The following PDE10A variants were observed in gnomAD, a reference collection of about 807,000 sequenced individuals.
PDE10A encodes the protein cAMP and cAMP-inhibited cGMP 3',5'-cyclic phosphodiesterase 10A.
PDE10A carries 39 observed loss-of-function variants against 97.7 expected under a neutral mutation model. That is an observed-to-expected ratio of 0.40 (90% confidence interval 0.31 to 0.52). PDE10A has a LOEUF of 0.52. Ranked by LOEUF, PDE10A falls within the 20% of genes least tolerant of loss-of-function variation. The pLI, the probability that PDE10A is intolerant of heterozygous loss-of-function variation, is 0.56. For missense variants in PDE10A, 731 were observed against 1,047.8 expected (o/e 0.70, Z 4.17); for synonymous variants, 371 against 376.8 (o/e 0.98, Z 0.18).
intron 1 of PDE10A, among the ~76,000 whole-genome samples, chr6:165,864,364 T>C (rs1780984185): frequency 2.6e-5 from 4 of 152,096 alleles, no homozygotes; most frequent in African/African-American, 7.2e-5. Context: ...CTGAAAAACA[T>C]AACAGAGGGT....
chr6:165,843,081 C>T (rs1780305109), intron 1 of PDE10A, among the ~76,000 whole-genome samples: 1 of 152,206 alleles, frequency 6.6e-6, no homozygotes, highest in Non-Finnish European at 1.5e-5. Context: ...GCTCAGCCCA[C>T]CTGACAGCGT....
intron 1 of PDE10A, among the ~76,000 whole-genome samples, chr6:165,687,287 T>C (rs1180520997): frequency 6.6e-6 from 1 of 152,164 alleles, no homozygotes; most frequent in Non-Finnish European, 1.5e-5. Context: ...CATATCCACA[T>C]TGCTTGGGAA....
At chr6:165,749,744 T>C (rs1316997330) in intron 1 of PDE10A, among the ~76,000 whole-genome samples, 1 of 152,216 alleles carries the variant, frequency 6.6e-6, no homozygotes, top group Non-Finnish European at 1.5e-5. Context: ...TCTTCTAAAT[T>C]CCTGCTTTTT....
intron 1 of PDE10A, among the ~76,000 whole-genome samples, chr6:165,809,141 T>C (rs570972686): frequency 1.1e-4 from 17 of 152,212 alleles, no homozygotes; most frequent in Non-Finnish European, 2.5e-4. Flanking sequence ...GAGAACCACG[T>C]TCTCTGAGGC....
intron 1 of PDE10A, among the ~76,000 whole-genome samples, chr6:165,911,985 A>C (rs1166820076): frequency 1.4e-5 from 2 of 146,960 alleles, no homozygotes; most frequent in Admixed American, 1.4e-4. Context: ...GGAAGTCTAA[A>C]TATATATATA....
intron 20 of PDE10A, among the ~76,000 whole-genome samples, chr6:165,337,812 G>C (rs1203285182): frequency 6.6e-6 from 1 of 152,156 alleles, no homozygotes; most frequent in Non-Finnish European, 1.5e-5. Flanking sequence ...ATGCATTCTT[G>C]GGATGACTGT....
At chr6:165,547,350 T>C (rs935357289) in intron 1 of PDE10A, among the ~76,000 whole-genome samples, 7 of 152,252 alleles carry the variant, frequency 4.6e-5, no homozygotes, top group East Asian at 1.9e-4. Flanking sequence ...CGGGTATTGA[T>C]AGACTGAATG....
chr6:165,883,091 T>G (rs1318626841), intron 1 of PDE10A, among the ~76,000 whole-genome samples: 1 of 151,798 alleles, frequency 6.6e-6, no homozygotes, highest in Non-Finnish European at 1.5e-5. Context: ...CAAAAATTAG[T>G]CGGGTGCAGT....
chr6:165,672,371 T>G (rs928051912), intron 1 of PDE10A, among the ~76,000 whole-genome samples: 1 of 152,212 alleles, frequency 6.6e-6, no homozygotes, highest in Non-Finnish European at 1.5e-5. Context: ...CTAGCCTGCC[T>G]TAAATGTGCT....
In PDE10A at chr6:165,614,201, C is replaced by T. The variant is rs549532861; in HGVS notation, c.865+47746G>A. 5.9e-5 allele frequency among the ~76,000 whole-genome samples: 9 copies of T among 152,342 alleles called. No homozygotes were observed. In the South Asian group the frequency reaches 1.9e-3, roughly 32 times the overall value. The stretch of plus-strand genomic sequence containing the variant: ...CCTTCTTCAGTTTTGTTCCTCAAAA[C>T]CACTATTTCTAACGGCCAAAGTAAT... On this transcript the variant is annotated intron_variant, in intron 1 of 21. Coordinates refer to ENST00000539869, the MANE Select transcript of PDE10A (RefSeq NM_001385079.1).
At chr6:165,595,380 C>T (rs1786526472) in intron 1 of PDE10A, among the ~76,000 whole-genome samples, 1 of 152,198 alleles carries the variant, frequency 6.6e-6, no homozygotes, top group Admixed American at 6.5e-5. Context: ...CACAGATGGA[C>T]ATCTGCAAAG....
chr6:165,810,701 T>C (rs77989225), intron 1 of PDE10A, among the ~76,000 whole-genome samples: 2,429 of 152,256 alleles, frequency 0.016, 61 homozygotes, highest in African/African-American at 0.056. Context: ...CCCAGGATGA[T>C]GTCCTGGTGT....
At chr6:165,368,932 G>C (rs1254003135) in intron 18 of PDE10A, among the ~76,000 whole-genome samples, 1 of 152,216 alleles carries the variant, frequency 6.6e-6, no homozygotes, top group Non-Finnish European at 1.5e-5. Context: ...AAAATCCACT[G>C]TTCTGCAGAC....
rs1415747312 is a variant in PDE10A, at chr6:165,332,529, T to C, written c.*496A>G. The C allele has an allele frequency of 6.6e-6, 1 of 152,478 alleles. No homozygotes were observed. The highest frequency in any genetic ancestry group is 2.4e-5 in the African/African-American group (1 of 41,456). The allele number at this position is 152,478 out of a possible 1,614,324, so 9.4% of individuals were successfully genotyped here. On this transcript the variant is annotated 3_prime_UTR_variant, in exon 22 of 22. Transcript: ENST00000539869. Reference sequence around the variant, plus strand: ...GGCTGTGGACTACAACTCAAGTTAATTACAAGTAGGTCATACATGAACATT... The same window carrying C: ...GGCTGTGGACTACAACTCAAGTTAACTACAAGTAGGTCATACATGAACATT...
At chr6:165,945,875 T>C (rs1417747103) in intron 1 of PDE10A, among the ~76,000 whole-genome samples, 1 of 152,234 alleles carries the variant, frequency 6.6e-6, no homozygotes, top group Non-Finnish European at 1.5e-5. Flanking sequence ...AGATAAATAA[T>C]TAAACCAAGT....
At chr6:165,839,096 T>A (rs774470522) in intron 1 of PDE10A, among the ~76,000 whole-genome samples, 2 of 152,234 alleles carry the variant, frequency 1.3e-5, no homozygotes, top group Non-Finnish European at 1.5e-5. Context: ...TTCTAAAAAG[T>A]CCAGAAACTC....
chr6:165,950,441 T>C (rs1783916828), intron 1 of PDE10A, among the ~76,000 whole-genome samples: 2 of 152,200 alleles, frequency 1.3e-5, no homozygotes, highest in Admixed American at 6.5e-5. Flanking sequence ...GAGAGGAGCT[T>C]GCTTCCCTGG....
intron 1 of PDE10A, among the ~76,000 whole-genome samples, chr6:165,687,422 A>T (rs1236280399): frequency 6.6e-6 from 1 of 152,244 alleles, no homozygotes; most frequent in Non-Finnish European, 1.5e-5. Context: ...CGCAACATTG[A>T]GAACACCGTG....
At chr6:165,378,452 C>T (rs146959403) in intron 18 of PDE10A, among the ~76,000 whole-genome samples, 15 of 152,234 alleles carry the variant, frequency 9.9e-5, no homozygotes, top group African/African-American at 3.6e-4. Context: ...CTAGTGTTAC[C>T]ACTACAAATT....
Sources: gnomAD v4.1 joint callset for allele counts (sites outside exome capture counted in the v4.1 genomes callset) on GRCh38, gnomAD v4.1.1 for gene constraint, MANE v1.5 for transcripts, NCBI Gene and HGNC (gene_info 2026-07-23, HGNC 2026-07-21) for gene names.